CUEDC1: variants seen among roughly 807,000 people sequenced by gnomAD.
The protein encoded by CUEDC1 is CUE domain-containing protein 1.
In CUEDC1, 30 loss-of-function variants were observed where a neutral mutation model predicts 43.7. That is an observed-to-expected ratio of 0.69 (90% CI 0.51 to 0.93). The LOEUF (loss-of-function observed/expected upper bound fraction) is 0.93. Ranked by LOEUF, CUEDC1 falls within the 40% of genes least tolerant of loss-of-function variation. The pLI is 0.00. For synonymous variants in CUEDC1, 223 were observed against 223.6 expected, an observed-to-expected ratio of 1.00 and a Z score of 0.02; for missense variants, 486 against 549.0, an observed-to-expected ratio of 0.89 and a Z score of 1.15.
intron 1 of CUEDC1, among the ~76,000 whole-genome samples, chr17:57,947,976 A>T (rs573900585): frequency 7.9e-4 from 120 of 152,272 alleles, no homozygotes; most frequent in Non-Finnish European, 1.3e-3. Context: ...CCTTGCCCCC[A>T]GCATACTTGT....
intron 1 of CUEDC1, among the ~76,000 whole-genome samples, chr17:57,929,337 G>T (rs527670085): frequency 1.2e-4 from 19 of 152,092 alleles, no homozygotes; most frequent in African/African-American, 3.9e-4. Flanking sequence ...AGAACACACC[G>T]CAAGTCAGTG....
chr17:57,895,290 T>C (rs929675659), intron 1 of CUEDC1, among the ~76,000 whole-genome samples: 2 of 152,224 alleles, frequency 1.3e-5, no homozygotes, highest in Non-Finnish European at 2.9e-5. Flanking sequence ...TCTGTATCCA[T>C]TGGGCTTGAT....
At chr17:57,881,440 G>A (rs1031717470) in intron 2 of CUEDC1, among the ~76,000 whole-genome samples, 11 of 152,234 alleles carry the variant, frequency 7.2e-5, no homozygotes, top group South Asian at 2.1e-4. Flanking sequence ...GTTCCCTGGC[G>A]ACTCTCTGGT....
Position 57,885,339 on chromosome 17 carries a change from C to A in CUEDC1, c.226G>T (p.Ala76Ser), listed in dbSNP as rs776580750. 10 of 1,612,054 alleles carry A rather than the reference C, an allele frequency of 6.2e-6. No homozygotes were observed. The Admixed American group carries it at 8.4e-5, about 13-fold the overall frequency. Reference protein sequence around the residue: ...IECVLRANSGAVDATIDQLLQ... With the variant: ...IECVLRANSGSVDATIDQLLQ... ...AGCTGGTCGATGGTGGCGTCCACAG[C>A]GCCGCTGTTGGCGCGCAGCACGCAT... The change falls in exon 2 of 11, where the codon GCT becomes TCT. Residue 76 changes from alanine to serine, a missense_variant. Transcript: ENST00000577830.
At chr17:57,909,096 C>A (rs1272999316) in intron 1 of CUEDC1, among the ~76,000 whole-genome samples, 1 of 151,902 alleles carries the variant, frequency 6.6e-6, no homozygotes, top group East Asian at 1.9e-4. Flanking sequence ...TCATGTATGA[C>A]AATAAAAATT....
intron 1 of CUEDC1, among the ~76,000 whole-genome samples, chr17:57,886,254 G>A (rs1190782920): frequency 6.6e-6 from 1 of 152,186 alleles, no homozygotes; most frequent in Non-Finnish European, 1.5e-5. Context: ...TGGCCCTCAA[G>A]TCACTGGTCT....
intron 1 of CUEDC1, among the ~76,000 whole-genome samples, chr17:57,947,894 G>A (rs775208390): frequency 6.6e-6 from 1 of 152,162 alleles, no homozygotes; most frequent in Non-Finnish European, 1.5e-5. Flanking sequence ...TGAACATAAT[G>A]TCAGGCCTTG....
At chr17:57,865,579 G>C (rs2073945094) in intron 10 of CUEDC1, among the ~76,000 whole-genome samples, 1 of 152,218 alleles carries the variant, frequency 6.6e-6, no homozygotes, top group Non-Finnish European at 1.5e-5. Context: ...GGCTGGAAAA[G>C]GGACAGCTGT....
intron 1 of CUEDC1, among the ~76,000 whole-genome samples, chr17:57,897,228 C>T (rs1239227123): frequency 1.8e-4 from 27 of 152,168 alleles, no homozygotes; most frequent in Admixed American, 1.8e-3. Context: ...TGAATACATC[C>T]ATTTCACAGA....
chr17:57,934,957 C>T (rs1196693045), intron 1 of CUEDC1, among the ~76,000 whole-genome samples: 2 of 152,198 alleles, frequency 1.3e-5, no homozygotes, highest in Non-Finnish European at 2.9e-5. Flanking sequence ...ATCCACCTGC[C>T]TCAGCCTCCC....
chr17:57,922,164 T>C (rs1300019633), intron 1 of CUEDC1, among the ~76,000 whole-genome samples: 2 of 152,182 alleles, frequency 1.3e-5, no homozygotes, highest in Non-Finnish European at 2.9e-5. Flanking sequence ...ATGTTACCCC[T>C]GGCTCATCTG....
chr17:57,907,508 A>T (rs937540723), intron 1 of CUEDC1, among the ~76,000 whole-genome samples: 11 of 152,116 alleles, frequency 7.2e-5, no homozygotes, highest in African/African-American at 2.7e-4. Flanking sequence ...TACATCTAGT[A>T]AATACCTCTG....
intron 1 of CUEDC1, among the ~76,000 whole-genome samples, chr17:57,917,069 CAA>C (rs2074649960): frequency 4.6e-5 from 7 of 152,190 alleles, no homozygotes; most frequent in Admixed American, 2.6e-4. Flanking sequence ...GAGGCCCATC[CAA>C]TAGGGAGGAC....
chr17:57,869,306 G>T, intron 6 of CUEDC1, 113 bp from the exon 7 acceptor site: 3 of 884,994 alleles, frequency 3.4e-6, no homozygotes, highest in Non-Finnish European at 5.4e-6. Context: ...TTCTTCCCTG[G>T]CCAGAAGGGA....
intron 6 of CUEDC1, 49 bp from the exon 7 acceptor site, chr17:57,869,242 C>T (rs376755509): frequency 7.5e-5 from 116 of 1,554,764 alleles, no homozygotes; most frequent in Non-Finnish European, 9.0e-5. Flanking sequence ...CAGCCATGGC[C>T]GCTGTCCCAG....
intron 8 of CUEDC1, among the ~76,000 whole-genome samples, chr17:57,867,880 C>CA (rs1238075644): frequency 2.0e-5 from 3 of 151,054 alleles, no homozygotes; most frequent in Admixed American, 1.3e-4. Context: ...AACCTCAGAC[C>CA]AAAAAAAAAG....
intron 1 of CUEDC1, among the ~76,000 whole-genome samples, chr17:57,891,943 CA>C (rs2074359504): frequency 6.6e-6 from 1 of 152,174 alleles, no homozygotes; most frequent in South Asian, 2.1e-4. Flanking sequence ...ATGTAAGCTC[CA>C]TGAAGGCAGG....
At chr17:57,873,152 C>G (rs928351250) in intron 4 of CUEDC1, among the ~76,000 whole-genome samples, 1 of 152,226 alleles carries the variant, frequency 6.6e-6, no homozygotes, top group Non-Finnish European at 1.5e-5. Context: ...TGTGGAACAG[C>G]CTATACGTCA....
chr17:57,898,261 C>T (rs2074434417), intron 1 of CUEDC1, among the ~76,000 whole-genome samples: 2 of 152,156 alleles, frequency 1.3e-5, no homozygotes, highest in South Asian at 4.1e-4. Context: ...TGGCTCATAG[C>T]ATAGCTGTTT....
Sources: allele counts gnomAD v4.1 joint callset (sites outside exome capture counted in the v4.1 genomes callset), GRCh38; gene constraint gnomAD v4.1.1; transcripts MANE v1.5; gene names NCBI Gene and HGNC (gene_info 2026-07-23, HGNC 2026-07-21).